MADD: variants seen among roughly 807,000 people sequenced by gnomAD.
MADD encodes the protein MAP kinase activating death domain.
MADD carries 109 observed loss-of-function variants against 176.7 expected under a neutral mutation model. The ratio of observed to expected loss-of-function variants is 0.62; its 90% CI spans 0.53 to 0.72. The LOEUF (loss-of-function observed/expected upper bound fraction) is 0.72, where lower values mean the gene tolerates loss of function less well. MADD is among the 30% of genes least tolerant of loss of function. MADD has a pLI of 0.00. For synonymous variants in MADD, 771 were observed against 771.3 expected, an observed-to-expected ratio of 1.00 and a Z score of 0.01; for missense variants, 1,914 against 2,045.5, an observed-to-expected ratio of 0.94 and a Z score of 1.24.
intron 5 of MADD, among the ~76,000 whole-genome samples, chr11:47,277,827 A>G (rs1338205927): frequency 6.6e-6 from 1 of 152,160 alleles, no homozygotes; most frequent in Non-Finnish European, 1.5e-5. Context: ...TCTCAGAACT[A>G]TTGTCCTGCA....
In MADD at chr11:47,312,668, T is replaced by C. The variant is rs2090418647; in HGVS notation, c.4089+826T>C. On this transcript the variant is annotated intron_variant, in intron 26 of 32. Transcript: ENST00000402192. ...CCAGGCTGATCTTGAACTCCTGACC[T>C]CAAGTGATCTGCCTGCCTTAGCTCC... is the stretch of plus-strand genomic sequence containing the variant. 2.0e-5 allele frequency among the ~76,000 whole-genome samples: 3 copies of C among 152,282 alleles called. No individual in the cohort carries two copies. The South Asian group carries it at 6.2e-4, about 32-fold the overall frequency.
rs765431050 is a variant in MADD at position 47,293,987 on chromosome 11, T to G, written c.3402+4T>G. ...GAGCCTGACGTCTAGTTCCCAGGTT[T>G]GTGACAACCTTGTTGAAATTTGCAA... On this transcript the variant is annotated splice_donor_region_variant and intron_variant, in intron 20 of 32. Coordinates refer to ENST00000402192, the Ensembl canonical transcript of MADD. 12 of 1,610,998 alleles carry G rather than the reference T, an allele frequency of 7.4e-6. No individual in the cohort carries two copies. The South Asian group carries it at 1.3e-4, about 18-fold the overall frequency.
intron 18 of MADD, 105 bp downstream of exon 19, chr11:47,290,404 G>T: frequency 6.9e-7 from 1 of 1,444,026 alleles, no homozygotes; most frequent in Non-Finnish European, 9.4e-7. Flanking sequence ...GTGCCACGCT[G>T]CTTCCCATTA....
At chr11:47,324,083 T>C in intron 28 of MADD, 182 bp from the exon 32 acceptor site, 1 of 651,466 alleles carries the variant, frequency 1.5e-6, no homozygotes, top group Non-Finnish European at 2.7e-6. Context: ...AGCCATACTA[T>C]TCATATGCTC....
exon 30 of MADD, chr11:47,324,526 C>T (rs754519792): frequency 1.2e-6 from 2 of 1,614,084 alleles, no homozygotes; most frequent in Non-Finnish European, 1.7e-6. Context: ...GTGAGGGTGG[C>T]CTGCTGCAGG....
intron 22 of MADD, among the ~76,000 whole-genome samples, 181 bp from the exon 25 acceptor site, chr11:47,308,410 T>A (rs1324302233): frequency 6.6e-6 from 1 of 152,198 alleles, no homozygotes; most frequent in Non-Finnish European, 1.5e-5. Context: ...AAAACTTTAT[T>A]GTATAGTTTA....
At chr11:47,289,820 T>C (rs768246436) in intron 16 of MADD, 47 bp from the exon 18 acceptor site, 1 of 1,600,260 alleles carries the variant, frequency 6.2e-7, no homozygotes, top group Admixed American at 1.7e-5. Flanking sequence ...TGGGGGGTGC[T>C]CTGCAAAGGA....
At chr11:47,323,944 T>G in intron 28 of MADD, 109 bp downstream of exon 31, 1 of 1,228,948 alleles carries the variant, frequency 8.1e-7, no homozygotes, top group East Asian at 2.5e-5. Flanking sequence ...GCCACACTTC[T>G]GTCTCCAGCT....
chr11:47,316,336 C>T (rs2092919788), intron 27 of MADD, among the ~76,000 whole-genome samples: 1 of 150,882 alleles, frequency 6.6e-6, no homozygotes, highest in Non-Finnish European at 1.5e-5. Context: ...TAGACAACCA[C>T]TTTTATTGGT....
chr11:47,270,685 T>C (rs1307467436), intron 1 of MADD: 1 of 152,156 alleles, frequency 6.6e-6, no homozygotes, highest in African/African-American at 2.4e-5. Context: ...TTTAACTTGA[T>C]ATTTCAAAAT....
At chr11:47,290,152 A>G in exon 18 of MADD, 1 of 1,613,886 alleles carries the variant, frequency 6.2e-7, no homozygotes, top group African/African-American at 1.3e-5. Flanking sequence ...GTTGCAGGAG[A>G]TCAGTCGGAA....
intron 22 of MADD, among the ~76,000 whole-genome samples, chr11:47,300,443 G>T (rs2076784559): frequency 7.3e-6 from 1 of 136,704 alleles, no homozygotes; most frequent in Non-Finnish European, 1.5e-5. Context: ...CTGACCTCAA[G>T]TGATCTACCC....
chr11:47,328,235 G>A lies in MADD; in HGVS notation c.4613-423G>A, dbSNP rs975269826. On this transcript the variant is annotated intron_variant, in intron 31 of 32. Transcript: ENST00000402192. ...ATTTTCAGGCTGGTGACGAGTTCACGGGTGTCTCAGCAAAGTTGGACACAA... is the reference window on the plus strand; with the variant it reads ...ATTTTCAGGCTGGTGACGAGTTCACAGGTGTCTCAGCAAAGTTGGACACAA... The A allele has an allele frequency of 1.1e-5, 12 of 1,086,138 alleles. No homozygotes were observed. The South Asian group carries it at 2.4e-4, about 21-fold the overall frequency. 67.3% of individuals were successfully genotyped at this position (1,086,138 alleles called of 1,614,324 possible).
At chr11:47,324,867 C>T (rs1294837552) in intron 30 of MADD, 8 of 612,654 alleles carry the variant, frequency 1.3e-5, no homozygotes, top group African/African-American at 5.5e-5. Flanking sequence ...TGAGTGGGAG[C>T]GTCTCACTTG....
exon 3 of MADD, chr11:47,275,007 C>T (rs1247168527): frequency 6.2e-7 from 1 of 1,614,146 alleles, no homozygotes; most frequent in South Asian, 1.1e-5. Context: ...GGAGCCGCTC[C>T]CGCAACAGTA....
rs2085184506 is a variant in MADD, at chr11:47,308,675, G to T, written c.3727G>T (p.Val1243Phe). The change falls in exon 23 of 33, where the codon GTC (valine) becomes TTC (phenylalanine). Residue 1243 changes from valine (V) to phenylalanine (F), a missense_variant. By Grantham distance (50) the Val-to-Phe change is conservative. Around this residue, in one of 2 missense-constraint regions of MADD, gnomAD observed 1,767 missense variants for 1,836.0 expected, o/e 0.96. Coordinates refer to ENST00000402192, the Ensembl canonical transcript of MADD. The stretch of plus-strand genomic sequence containing the variant: ...TACTTCTGAAGATGTGAGCCAGCGA[G>T]TCTATCTCTATGAGGGACTCCTAGG... 32 of 1,614,024 alleles carry T rather than the reference G, an allele frequency of 2.0e-5. No individual in the cohort carries two copies. Among genetic ancestry groups the T allele is most frequent in the Non-Finnish European group, 2.6e-5 (31 of 1,179,948 alleles).
chr11:47,284,889 G>A, intron 12 of MADD, 52 bp from the exon 13 acceptor site: 1 of 1,602,738 alleles, frequency 6.2e-7, no homozygotes, highest in South Asian at 1.1e-5. Context: ...GGGATTACAG[G>A]AAGGTACCAT....
chr11:47,324,424 G>GGA, intron 29 of MADD, 47 bp from the exon 33 acceptor site: 1 of 1,600,872 alleles, frequency 6.2e-7, no homozygotes, highest in Non-Finnish European at 8.6e-7. Flanking sequence ...TCAGGGGTGG[G>GGA]ATTCCCCACC....
At chr11:47,321,169 C>G (rs998932087) in intron 27 of MADD, among the ~76,000 whole-genome samples, 7 of 152,212 alleles carry the variant, frequency 4.6e-5, no homozygotes, top group African/African-American at 7.2e-5. Context: ...CTAGAATGCT[C>G]TAGCTTAGAA....
Sources: allele counts gnomAD v4.1 joint callset (sites outside exome capture counted in the v4.1 genomes callset), GRCh38; gene constraint gnomAD v4.1.1; regional missense constraint gnomAD v4.1.1; transcripts MANE v1.5; gene names NCBI Gene and HGNC (gene_info 2026-07-23, HGNC 2026-07-21).